Variants in PKHD1 observed in about 807,000 individuals in gnomAD.
The protein encoded by PKHD1 is PKHD1 ciliary IPT domain containing fibrocystin/polyductin, also known as fibrocystin.
Under a neutral mutation model 412.0 loss-of-function variants are expected in PKHD1, and 291 were observed. That is an observed-to-expected ratio of 0.71 (90% confidence interval 0.64 to 0.78). The LOEUF (loss-of-function observed/expected upper bound fraction) is 0.78, where lower values mean the gene tolerates loss of function less well. Among genes scored for constraint, PKHD1 ranks in the 30% least tolerant of loss-of-function variants. The probability of loss-of-function intolerance (pLI) is 0.00; values close to 1 mark genes in which losing one functional copy is unlikely to be tolerated. For missense variants in PKHD1, 4,825 were observed against 4,950.7 expected (o/e 0.97, Z 0.76); for synonymous variants, 1,777 against 1,821.5 (o/e 0.98, Z 0.62).
chr6:51,703,425 A>G (rs1231703595), intron 60 of PKHD1, among the ~76,000 whole-genome samples: 1 of 151,894 alleles, frequency 6.6e-6, no homozygotes, highest in African/African-American at 2.4e-5. Context: ...TCTCCTGGCA[A>G]TTATGATTCT....
chr6:51,835,976 A>C (rs1028951455), intron 51 of PKHD1, among the ~76,000 whole-genome samples: 1 of 152,214 alleles, frequency 6.6e-6, no homozygotes, highest in African/African-American at 2.4e-5. Context: ...TTTTTGAGTT[A>C]GAAAGATTTC....
intron 60 of PKHD1, among the ~76,000 whole-genome samples, chr6:51,676,248 AAAAG>A (rs1471190882): frequency 7.0e-4 from 5 of 7,128 alleles, no homozygotes; most frequent in South Asian, 9.6e-3. Flanking sequence ...AAATTAAAAG[AAAAG>A]AAAAAAAAAA....
intron 35 of PKHD1, among the ~76,000 whole-genome samples, chr6:52,003,341 A>G (rs1715116943): frequency 1.3e-5 from 2 of 152,212 alleles, no homozygotes; most frequent in Non-Finnish European, 2.9e-5. Flanking sequence ...TAACACACTT[A>G]AAGACCACAG....
At chr6:51,919,986 G>T (rs374680052) in intron 37 of PKHD1, among the ~76,000 whole-genome samples, 1 of 152,252 alleles carries the variant, frequency 6.6e-6, no homozygotes, top group East Asian at 1.9e-4. Context: ...TGTATCCTGA[G>T]ATTTTGCTGA....
In PKHD1 at chr6:51,923,108, G is replaced by A. The variant is rs550527485; in HGVS notation, c.6122-10532C>T. 1.3e-3 allele frequency among the ~76,000 whole-genome samples: 199 copies of A among 152,174 alleles called. 1 individual carries two copies. Among genetic ancestry groups the A allele is most frequent in the African/African-American group, 4.4e-3 (182 of 41,514 alleles). On this transcript the variant is annotated intron_variant, in intron 37 of 66. Coordinates refer to ENST00000371117, the MANE Select transcript of PKHD1 (RefSeq NM_138694.4). ...CGTTTTGCCAAATTTTTAAGGTAACGTTCATGGGTTCCAAGGATTAGGACA... is the reference window on the plus strand; with the variant it reads ...CGTTTTGCCAAATTTTTAAGGTAACATTCATGGGTTCCAAGGATTAGGACA...
At chr6:51,622,329 C>T (rs1473077746) in intron 66 of PKHD1, 1 of 152,198 alleles carries the variant, frequency 6.6e-6, no homozygotes, top group Non-Finnish European at 1.5e-5. Context: ...TCTCTACCTC[C>T]CCCTACCCTG....
chr6:52,076,990 G>C (rs560717465), intron 5 of PKHD1, among the ~76,000 whole-genome samples: 59 of 152,332 alleles, frequency 3.9e-4, no homozygotes, highest in African/African-American at 1.4e-3. Flanking sequence ...GTGAGAGCCT[G>C]AGAAAGCCTG....
chr6:51,990,472 G>A lies in PKHD1; in HGVS notation c.5751+19837C>T, dbSNP rs191112919. 3.3e-5 allele frequency among the ~76,000 whole-genome samples: 5 copies of A among 152,284 alleles called. No homozygotes were observed. The East Asian group carries it at 9.7e-4, about 29-fold the overall frequency. ...TCATAATAAATCAGGGCAAGAATAA[G>A]TGAAGCCCCTCCCGTGTTTCAGAGC... On this transcript the variant is annotated intron_variant, in intron 35 of 66. Transcript: ENST00000371117.
chr6:51,719,816 T>C (rs1405022715), intron 60 of PKHD1, among the ~76,000 whole-genome samples: 1 of 152,224 alleles, frequency 6.6e-6, no homozygotes, highest in African/African-American at 2.4e-5. Context: ...TGGCAGCTCT[T>C]CAAAAACAGG....
At chr6:51,936,282 C>A (rs760333771) in intron 36 of PKHD1, among the ~76,000 whole-genome samples, 1 of 152,068 alleles carries the variant, frequency 6.6e-6, no homozygotes, top group Non-Finnish European at 1.5e-5. Flanking sequence ...GTTGTTCTTA[C>A]ACTTAATTTA....
chr6:52,004,295 A>C (rs1383990433), intron 35 of PKHD1, among the ~76,000 whole-genome samples: 4 of 152,114 alleles, frequency 2.6e-5, no homozygotes, highest in Non-Finnish European at 4.4e-5. Context: ...TGAAATTTTC[A>C]GTACAGATAT....
intron 62 of PKHD1, 136 bp downstream of exon 62, chr6:51,648,949 G>T: frequency 1.2e-6 from 1 of 803,760 alleles, no homozygotes; most frequent in Admixed American, 1.8e-5. Flanking sequence ...AAAGTAGTGA[G>T]AAGCTCTAAG....
At chr6:51,852,894 ATT>A (rs1350706552) in intron 49 of PKHD1, among the ~76,000 whole-genome samples, 1 of 152,126 alleles carries the variant, frequency 6.6e-6, no homozygotes, top group Non-Finnish European at 1.5e-5. Flanking sequence ...TAATTGGGGC[ATT>A]TAGCCCATTT....
intron 35 of PKHD1, among the ~76,000 whole-genome samples, chr6:51,969,554 C>CT (rs1434972170): frequency 9.2e-5 from 14 of 152,246 alleles, no homozygotes; most frequent in Non-Finnish European, 1.0e-4. Flanking sequence ...CACCTTCTTT[C>CT]CACCCTCCCA....
chr6:51,632,124 A>G (rs958340543), intron 65 of PKHD1, among the ~76,000 whole-genome samples: 61 of 151,940 alleles, frequency 4.0e-4, no homozygotes, highest in Non-Finnish European at 7.5e-4. Flanking sequence ...TTGTATTTTT[A>G]GTAGAGACAG....
At chr6:52,086,117 A>T (rs921100144) in intron 1 of PKHD1, among the ~76,000 whole-genome samples, 11 of 146,546 alleles carry the variant, frequency 7.5e-5, no homozygotes, top group Admixed American at 3.4e-4. Context: ...GTGTGTGTGT[A>T]TGTGTGTGTG....
rs1448802478 is a variant in PKHD1 at position 51,896,723 on chromosome 6, G to A, written c.6996+6874C>T. On this transcript the variant is annotated intron_variant, in intron 43 of 66. Transcript: ENST00000371117. ...AGACGATCAAATTACTCCAAGCTAC[G>A]GGAGGACATTCAAACCAAAGGCAAA... is the stretch of plus-strand genomic sequence containing the variant. Among the ~76,000 whole-genome samples the A allele has an allele frequency of 4.6e-4, 69 of 150,804 alleles. 1 individual carries two copies. Among genetic ancestry groups the A allele is most frequent in the Middle Eastern group, 3.4e-3 (1 of 292 alleles).
intron 35 of PKHD1, among the ~76,000 whole-genome samples, chr6:51,981,098 T>C (rs938361117): frequency 1.3e-5 from 2 of 151,942 alleles, no homozygotes; most frequent in Non-Finnish European, 2.9e-5. Context: ...TTGGAACACA[T>C]GCCTGCCTCT....
At chr6:52,072,897 C>A (rs1810839330) in intron 7 of PKHD1, among the ~76,000 whole-genome samples, 1 of 152,196 alleles carries the variant, frequency 6.6e-6, no homozygotes, top group African/African-American at 2.4e-5. Context: ...AATTTCAACA[C>A]TTTTTGTCTT....
Sources: allele counts gnomAD v4.1 joint callset (sites outside exome capture counted in the v4.1 genomes callset), GRCh38; gene constraint gnomAD v4.1.1; transcripts MANE v1.5; gene names NCBI Gene and HGNC (gene_info 2026-07-23, HGNC 2026-07-21).